The following SV2C variants were observed in gnomAD, a reference collection of about 807,000 sequenced individuals.
The protein encoded by SV2C is solute carrier family 22 member B3.
In SV2C, 49 loss-of-function variants were observed where a neutral mutation model predicts 79.7. The observed-to-expected ratio is 0.61, with a 90% CI of 0.49 to 0.78. The LOEUF is 0.78. SV2C is among the 30% of genes least tolerant of loss of function. The pLI, the probability that SV2C is intolerant of heterozygous loss-of-function variation, is 0.00. For synonymous variants in SV2C, 334 were observed against 333.2 expected (o/e 1.00, Z -0.03); for missense variants, 833 against 912.9 (o/e 0.91, Z 1.13).
intron 1 of SV2C, among the ~76,000 whole-genome samples, chr5:76,118,692 T>C (rs111819845): frequency 3.9e-5 from 6 of 152,058 alleles, no homozygotes; most frequent in Non-Finnish European, 7.4e-5. Flanking sequence ...ATTAAAAAAA[T>C]CAAAACTGGC....
chr5:76,299,576 A>G (rs920609016), intron 10 of SV2C, among the ~76,000 whole-genome samples: 1 of 152,180 alleles, frequency 6.6e-6, no homozygotes. Flanking sequence ...CCCACTCCCA[A>G]ACATTGGTCT....
chr5:75,907,791 C>T, the SV2C span, among the ~76,000 whole-genome samples: 1 of 152,088 alleles, frequency 6.6e-6, no homozygotes, highest in Admixed American at 6.6e-5. Flanking sequence ...TGAAAGAAAA[C>T]AGAGAAACCA....
At chr5:76,350,101 T>C (rs957539453) in intron 12 of SV2C, among the ~76,000 whole-genome samples, 1 of 152,188 alleles carries the variant, frequency 6.6e-6, no homozygotes, top group Non-Finnish European at 1.5e-5. Flanking sequence ...TTTTGTGCAC[T>C]GTATGTTTAA....
chr5:75,990,781 A>G, the SV2C span, among the ~76,000 whole-genome samples: 3,221 of 152,000 alleles, frequency 0.021, 97 homozygotes, highest in African/African-American at 0.071. Context: ...TTGTGCACAT[A>G]TATCCTAGAA....
chr5:76,032,206 G>C, the SV2C span, among the ~76,000 whole-genome samples: 2 of 151,640 alleles, frequency 1.3e-5, no homozygotes, highest in African/African-American at 2.4e-5. Flanking sequence ...TTTCTCTAGG[G>C]ACAGTGACCA....
chr5:76,039,504 C>T, the SV2C span, among the ~76,000 whole-genome samples: 1 of 152,018 alleles, frequency 6.6e-6, no homozygotes, highest in Non-Finnish European at 1.5e-5. Context: ...GCCTGTAATC[C>T]CAGCAGTTTG....
chr5:76,291,446 C>A, intron 7 of SV2C, 115 bp downstream of exon 7: 1 of 751,532 alleles, frequency 1.3e-6, no homozygotes, highest in Non-Finnish European at 2.1e-6. Flanking sequence ...CTGCCCAGGA[C>A]ACCTGACTCC....
intron 2 of SV2C, among the ~76,000 whole-genome samples, chr5:76,132,531 G>A (rs1748937573): frequency 6.6e-6 from 1 of 152,102 alleles, no homozygotes. Context: ...CCTAGATTCT[G>A]TAGTTAACAT....
At chr5:75,976,615 C>T in the SV2C span, among the ~76,000 whole-genome samples, 16 of 151,856 alleles carry the variant, frequency 1.1e-4, no homozygotes, top group African/African-American at 3.9e-4. Context: ...GAATACCATG[C>T]TTTTAATCTT....
intron 1 of SV2C, among the ~76,000 whole-genome samples, chr5:76,113,875 G>A (rs1050624163): frequency 3.9e-5 from 6 of 152,066 alleles, no homozygotes; most frequent in Middle Eastern, 3.4e-3. Context: ...GATCTCTTAC[G>A]CTACTCTTTC....
the SV2C span, among the ~76,000 whole-genome samples, chr5:75,927,079 T>C: frequency 6.6e-6 from 1 of 152,156 alleles, no homozygotes; most frequent in Non-Finnish European, 1.5e-5. Flanking sequence ...CATTAATGTA[T>C]GAGATTATGT....
intron 2 of SV2C, among the ~76,000 whole-genome samples, chr5:76,184,707 C>A (rs1036989540): frequency 6.6e-5 from 10 of 152,200 alleles, no homozygotes; most frequent in African/African-American, 2.4e-4. Context: ...AAGGAAGCCA[C>A]TCCCATGATT....
At chr5:76,184,197 T>G (rs1350180489) in intron 2 of SV2C, among the ~76,000 whole-genome samples, 1 of 152,240 alleles carries the variant, frequency 6.6e-6, no homozygotes, top group Non-Finnish European at 1.5e-5. Flanking sequence ...TTTGTTTTTC[T>G]TAAAGCTCTT....
At chr5:75,886,290 C>T in the SV2C span, among the ~76,000 whole-genome samples, 1 of 152,124 alleles carries the variant, frequency 6.6e-6, no homozygotes, top group African/African-American at 2.4e-5. Context: ...TATTCTGTCT[C>T]TTTTTGCTAA....
At chr5:76,088,600 C>T (rs1747275235) in intron 1 of SV2C, among the ~76,000 whole-genome samples, 1 of 152,178 alleles carries the variant, frequency 6.6e-6, no homozygotes. Flanking sequence ...AAGGCCTCAC[C>T]TCTTAATACT....
intron 4 of SV2C, among the ~76,000 whole-genome samples, chr5:76,263,053 T>C (rs1329707569): frequency 6.6e-6 from 1 of 152,182 alleles, no homozygotes; most frequent in African/African-American, 2.4e-5. Context: ...CCACTATTAT[T>C]GTGTGGGAGT....
At chr5:76,079,170 T>C (rs1160235708), upstream of SV2C, 2 of 335,602 alleles carry the variant, frequency 6.0e-6, no homozygotes, top group African/African-American at 4.4e-5. Context: ...TTAGTAGGGA[T>C]GTTGATTCGG....
rs978448700 is a variant in SV2C, at chr5:76,131,523, A to G, written c.-101-127A>G. The G allele has an allele frequency of 8.1e-5, 26 of 320,196 alleles. 1 individual carries two copies. The highest frequency in any genetic ancestry group is 4.7e-4 in the African/African-American group (22 of 46,486). 19.8% of individuals were successfully genotyped at this position (320,196 alleles called of 1,614,324 possible). ...GTATATACAGTGAGATCAAAAAAAA[A>G]AAAAAAAGGAAAAACTAATTCTGTG... On this transcript the variant is annotated intron_variant, in intron 1 of 12. Coordinates refer to ENST00000502798, the MANE Select transcript of SV2C (RefSeq NM_014979.4).
intron 4 of SV2C, among the ~76,000 whole-genome samples, chr5:76,275,342 C>T (rs961169417): frequency 1.3e-5 from 2 of 152,214 alleles, no homozygotes; most frequent in African/African-American, 2.4e-5. Flanking sequence ...AAAAAATTAG[C>T]TGGGCATGGT....
Sources: gnomAD v4.1 joint callset for allele counts (sites outside exome capture counted in the v4.1 genomes callset) on GRCh38, gnomAD v4.1.1 for gene constraint, MANE v1.5 for transcripts, NCBI Gene and HGNC (gene_info 2026-07-23, HGNC 2026-07-21) for gene names.